Variants in THRB observed in about 807,000 individuals in gnomAD.
THRB encodes the protein thyroid hormone receptor beta.
A neutral mutation model predicts 47.8 loss-of-function variants in THRB; 12 were observed. The observed-to-expected ratio is 0.25, with a 90% CI of 0.16 to 0.41. The LOEUF (loss-of-function observed/expected upper bound fraction) is 0.41, where lower values mean the gene tolerates loss of function less well. THRB is among the 10% of genes least tolerant of loss of function. The pLI, the probability that THRB is intolerant of heterozygous loss-of-function variation, is 1.00. For missense variants in THRB, 348 were observed against 589.2 expected (o/e 0.59, Z 4.24); for synonymous variants, 218 against 212.2 (o/e 1.03, Z -0.24).
At chr3:24,145,955 T>A (rs1485439274) in intron 7 of THRB, among the ~76,000 whole-genome samples, 1 of 152,240 alleles carries the variant, frequency 6.6e-6, no homozygotes, top group Non-Finnish European at 1.5e-5. Flanking sequence ...GACATGATTC[T>A]TATTTTTATG....
chr3:24,344,066 T>C (rs571833482), intron 1 of THRB, among the ~76,000 whole-genome samples: 14 of 151,340 alleles, frequency 9.3e-5, no homozygotes, highest in Admixed American at 5.9e-4. Context: ...TTCAAAGCAA[T>C]TGACACAGAT....
intron 1 of THRB, among the ~76,000 whole-genome samples, chr3:24,379,776 A>G (rs1052360007): frequency 6.6e-6 from 1 of 152,146 alleles, no homozygotes; most frequent in Non-Finnish European, 1.5e-5. Flanking sequence ...CTACAACTCA[A>G]CAGTTCACAG....
At chr3:24,213,162 T>C (rs1300625431) in intron 4 of THRB, among the ~76,000 whole-genome samples, 4 of 152,184 alleles carry the variant, frequency 2.6e-5, no homozygotes, top group African/African-American at 9.6e-5. Context: ...GAAGTGTGTT[T>C]GGTGAAATTA....
intron 1 of THRB, 84 bp downstream of exon 1, chr3:24,494,568 C>G (rs1234367775): frequency 2.0e-5 from 3 of 151,586 alleles, no homozygotes; most frequent in Admixed American, 6.6e-5. Flanking sequence ...TAGCCGCCCG[C>G]ACCCCTCCGG....
At chr3:24,233,595 G>GAAAA (rs1210927822) in intron 3 of THRB, among the ~76,000 whole-genome samples, 1 of 143,854 alleles carries the variant, frequency 7.0e-6, no homozygotes, top group Admixed American at 6.9e-5. Flanking sequence ...AAGAAAGAAA[G>GAAAA]AAAGAAAGAA....
intron 2 of THRB, among the ~76,000 whole-genome samples, chr3:24,321,028 A>T (rs1415473624): frequency 6.6e-6 from 1 of 152,198 alleles, no homozygotes; most frequent in African/African-American, 2.4e-5. Flanking sequence ...CCCCAAGAGG[A>T]CAGAGTTTCA....
intron 1 of THRB, among the ~76,000 whole-genome samples, chr3:24,454,515 G>A (rs551290845): frequency 6.6e-6 from 1 of 152,058 alleles, no homozygotes; most frequent in East Asian, 1.9e-4. Context: ...CATAGCATGT[G>A]GATTCTCAAT....
In THRB at chr3:24,117,309, CA is replaced by C. The variant is rs2030848979; in HGVS notation, c.*5574del. ...GCACTGGTTGCTTTTGCTTGCCCAC[CA>C]TTCTCTTCCACTTATAGCAGCAAGA... On this transcript the variant is annotated 3_prime_UTR_variant, in exon 11 of 11. Transcript: ENST00000646209. 6.6e-6 allele frequency: 1 copy of C among 152,194 alleles called. No homozygotes were observed. Among genetic ancestry groups the C allele is most frequent in the African/African-American group, 2.4e-5 (1 of 41,446 alleles). 9.4% of individuals were successfully genotyped at this position (152,194 alleles called of 1,614,324 possible).
chr3:24,316,550 C>T (rs2058125426), intron 2 of THRB, among the ~76,000 whole-genome samples: 1 of 151,760 alleles, frequency 6.6e-6, no homozygotes, highest in African/African-American at 2.4e-5. Context: ...GTCAACTCAC[C>T]TGATGCCCCT....
chr3:24,348,321 C>T (rs2063149802), intron 1 of THRB, among the ~76,000 whole-genome samples: 1 of 152,124 alleles, frequency 6.6e-6, no homozygotes, highest in South Asian at 2.1e-4. Flanking sequence ...AACAGCCCTA[C>T]AATAGATTGT....
chr3:24,280,269 G>T (rs916784509), intron 3 of THRB, among the ~76,000 whole-genome samples: 1 of 152,076 alleles, frequency 6.6e-6, no homozygotes, highest in Non-Finnish European at 1.5e-5. Context: ...CCTCAAGTGG[G>T]TCCCTGACTC....
chr3:24,174,331 C>CA (rs2040851643), intron 5 of THRB, among the ~76,000 whole-genome samples: 1 of 152,180 alleles, frequency 6.6e-6, no homozygotes, highest in Non-Finnish European at 1.5e-5. Context: ...AGCTTTGCCA[C>CA]AGCCTCTAGT....
At chr3:24,219,026 A>G (rs962389224) in intron 4 of THRB, among the ~76,000 whole-genome samples, 2 of 152,168 alleles carry the variant, frequency 1.3e-5, no homozygotes, top group African/African-American at 4.8e-5. Flanking sequence ...CAGCACTTTG[A>G]GAAGCCGAGG....
chr3:24,427,096 G>A (rs997497579), intron 1 of THRB, among the ~76,000 whole-genome samples: 29 of 152,046 alleles, frequency 1.9e-4, no homozygotes, highest in Non-Finnish European at 3.7e-4. Context: ...GACAAGACAA[G>A]GTTTTTGACA....
At chr3:24,342,341 G>A (rs907614856) in intron 1 of THRB, among the ~76,000 whole-genome samples, 3 of 152,118 alleles carry the variant, frequency 2.0e-5, no homozygotes, top group Admixed American at 6.5e-5. Context: ...ATGTGAAGTC[G>A]AACAGGGGAG....
chr3:24,175,350 C>T (rs2041002613), intron 5 of THRB, among the ~76,000 whole-genome samples: 1 of 152,114 alleles, frequency 6.6e-6, no homozygotes, highest in Non-Finnish European at 1.5e-5. Flanking sequence ...GTGTCTTTCA[C>T]ATAAGAACTC....
At chr3:24,291,792 C>A (rs1378108199) in intron 3 of THRB, among the ~76,000 whole-genome samples, 1 of 152,106 alleles carries the variant, frequency 6.6e-6, no homozygotes, top group Non-Finnish European at 1.5e-5. Context: ...AACAAGACTG[C>A]AAATTAGTCC....
intron 4 of THRB, among the ~76,000 whole-genome samples, chr3:24,219,038 G>A (rs1170915349): frequency 6.6e-6 from 1 of 152,132 alleles, no homozygotes; most frequent in Admixed American, 6.5e-5. Context: ...AAGCCGAGGT[G>A]GGCGGATTGC....
intron 3 of THRB, among the ~76,000 whole-genome samples, chr3:24,294,045 C>G (rs1342076522): frequency 2.0e-5 from 3 of 152,178 alleles, no homozygotes; most frequent in South Asian, 2.1e-4. Context: ...TGAGCTGACC[C>G]TGCGGCTTGC....
Sources: allele counts gnomAD v4.1 joint callset (sites outside exome capture counted in the v4.1 genomes callset), GRCh38; gene constraint gnomAD v4.1.1; transcripts MANE v1.5; gene names NCBI Gene and HGNC (gene_info 2026-07-23, HGNC 2026-07-21).